The following ANKS1B variants were observed in gnomAD, a reference collection of about 807,000 sequenced individuals.
ANKS1B encodes the protein ankyrin repeat and sterile alpha motif domain-containing protein 1B.
A neutral mutation model predicts 148.3 loss-of-function variants in ANKS1B; 36 were observed. That is an observed-to-expected ratio of 0.24 (90% CI 0.19 to 0.32). ANKS1B has a LOEUF of 0.32. ANKS1B is among the 10% of genes least tolerant of loss of function. ANKS1B has a pLI of 1.00. For synonymous variants in ANKS1B, 542 were observed against 560.8 expected (o/e 0.97, Z 0.47); for missense variants, 1,157 against 1,542.6 (o/e 0.75, Z 4.19).
At chr12:99,248,311 A>G (rs2074130936) in intron 12 of ANKS1B, among the ~76,000 whole-genome samples, 1 of 152,142 alleles carries the variant, frequency 6.6e-6, no homozygotes, top group Non-Finnish European at 1.5e-5. Flanking sequence ...CTAGCTATGT[A>G]TCTCTAGACT....
intron 17 of ANKS1B, among the ~76,000 whole-genome samples, chr12:98,856,375 A>G (rs1416724946): frequency 6.6e-6 from 1 of 152,202 alleles, no homozygotes; most frequent in East Asian, 1.9e-4. Flanking sequence ...CTAGGTTTGA[A>G]TCCTAGCTCT....
At chr12:99,197,973 T>C (rs902782315) in intron 14 of ANKS1B, among the ~76,000 whole-genome samples, 2 of 152,284 alleles carry the variant, frequency 1.3e-5, no homozygotes, top group South Asian at 4.1e-4. Context: ...GGTCATTTCA[T>C]GTAAAATATC....
intron 17 of ANKS1B, among the ~76,000 whole-genome samples, chr12:98,961,612 GTATAAACTAT>G (rs542289191): frequency 6.6e-6 from 1 of 152,136 alleles, no homozygotes; most frequent in Admixed American, 6.5e-5. Context: ...TAATTGTAGG[GTATAAACTAT>G]TCATATCTCA....
intron 12 of ANKS1B, among the ~76,000 whole-genome samples, chr12:99,340,919 G>A (rs529020271): frequency 6.4e-4 from 97 of 152,180 alleles, no homozygotes; most frequent in Admixed American, 1.6e-3. Context: ...ATTTAGCAGT[G>A]TATTCTTCTA....
intron 17 of ANKS1B, among the ~76,000 whole-genome samples, chr12:98,898,703 C>T (rs2099768162): frequency 6.6e-6 from 1 of 152,102 alleles, no homozygotes; most frequent in East Asian, 1.9e-4. Flanking sequence ...AATATATAGT[C>T]TGATGTAATA....
chr12:99,147,952 C>T (rs1461891921), intron 15 of ANKS1B, among the ~76,000 whole-genome samples: 1 of 151,932 alleles, frequency 6.6e-6, no homozygotes, highest in East Asian at 1.9e-4. Flanking sequence ...AGAAGCAGAT[C>T]AGAGCTGACT....
rs1280209633 is a variant in ANKS1B, at chr12:99,377,163, A to G, written c.1756+22468T>C. Among the ~76,000 whole-genome samples the G allele has an allele frequency of 3.6e-4, 55 of 151,990 alleles. 1 individual carries two copies. The highest frequency in any genetic ancestry group is 3.6e-3 in the Admixed American group (55 of 15,262). On this transcript the variant is annotated intron_variant, in intron 12 of 26. Transcript: ENST00000683438. ...GCTGGGACTACAGTCGCGCGTGACC[A>G]GGCCCAGCTAATTTTTGTATTTTTA...
At chr12:99,907,551 A>G (rs2093829803) in intron 1 of ANKS1B, among the ~76,000 whole-genome samples, 3 of 152,166 alleles carry the variant, frequency 2.0e-5, no homozygotes, top group Admixed American at 2.0e-4. Context: ...CTTCATGGAA[A>G]AGGGTTATAT....
At chr12:99,633,524 A>G (rs1437838184) in intron 9 of ANKS1B, among the ~76,000 whole-genome samples, 1 of 152,242 alleles carries the variant, frequency 6.6e-6, no homozygotes, top group East Asian at 1.9e-4. Flanking sequence ...ACCTAAAACC[A>G]TAAAAATCCT....
chr12:99,035,920 G>A (rs559664686), intron 17 of ANKS1B, among the ~76,000 whole-genome samples: 19 of 152,286 alleles, frequency 1.2e-4, no homozygotes, highest in Admixed American at 2.0e-4. Context: ...GTCTGAAAGC[G>A]ACTGAGGTTC....
chr12:99,221,090 A>G (rs1327695271), intron 14 of ANKS1B, among the ~76,000 whole-genome samples: 1 of 152,174 alleles, frequency 6.6e-6, no homozygotes, highest in African/African-American at 2.4e-5. Context: ...CTTTAATCCC[A>G]GCACCTTGGG....
intron 12 of ANKS1B, among the ~76,000 whole-genome samples, chr12:99,384,407 A>G (rs1329059934): frequency 6.6e-6 from 1 of 152,190 alleles, no homozygotes; most frequent in African/African-American, 2.4e-5. Flanking sequence ...GAGGACAACT[A>G]ATGTGTACTG....
intron 9 of ANKS1B, among the ~76,000 whole-genome samples, chr12:99,513,098 C>A (rs2096782870): frequency 6.6e-6 from 1 of 151,706 alleles, no homozygotes; most frequent in Non-Finnish European, 1.5e-5. Flanking sequence ...GCTCCAGCAA[C>A]CATTACTCTG....
At chr12:99,298,467 T>A (rs913973289) in intron 12 of ANKS1B, among the ~76,000 whole-genome samples, 2 of 152,214 alleles carry the variant, frequency 1.3e-5, no homozygotes, top group African/African-American at 4.8e-5. Context: ...GCCATGATTG[T>A]GAGGCCTCCC....
In ANKS1B at chr12:98,997,159, T is replaced by C. The variant is rs1375094054; in HGVS notation, c.2778+55998A>G. ...AATATACCCATCAGTATACCAAAAG[T>C]GTACCATGTATGCTAACAGCCATAT... On this transcript the variant is annotated intron_variant, in intron 17 of 26. Coordinates refer to ENST00000683438, the MANE Select transcript of ANKS1B (RefSeq NM_001352186.2). Among the ~76,000 whole-genome samples, 3 of 152,174 alleles carry C rather than the reference T, an allele frequency of 2.0e-5. No homozygotes were observed. In the East Asian group the frequency reaches 5.8e-4, roughly 29 times the overall value.
chr12:99,790,655 G>C (rs186581478), intron 4 of ANKS1B, among the ~76,000 whole-genome samples: 16 of 152,170 alleles, frequency 1.1e-4, no homozygotes, highest in Non-Finnish European at 1.9e-4. Flanking sequence ...TTTTCTTTTT[G>C]TGTGTTTGTT....
At chr12:99,647,603 T>C (rs952290614) in intron 9 of ANKS1B, 2 of 151,998 alleles carry the variant, frequency 1.3e-5, no homozygotes, top group African/African-American at 2.5e-5. Context: ...TGCTGAGCTG[T>C]GGAGGGCGGT....
intron 12 of ANKS1B, among the ~76,000 whole-genome samples, chr12:99,369,933 G>A (rs2093032298): frequency 6.6e-6 from 1 of 151,652 alleles, no homozygotes; most frequent in Non-Finnish European, 1.5e-5. Flanking sequence ...TAGGTTGTTG[G>A]GTGATGGGCA....
chr12:99,668,277 AT>A (rs1238618995), intron 8 of ANKS1B, among the ~76,000 whole-genome samples: 1 of 151,942 alleles, frequency 6.6e-6, no homozygotes, highest in African/African-American at 2.4e-5. Flanking sequence ...AGTTATTCAT[AT>A]TGTTCCTTTA....
Sources: gnomAD v4.1 joint callset for allele counts (sites outside exome capture counted in the v4.1 genomes callset) on GRCh38, gnomAD v4.1.1 for gene constraint, MANE v1.5 for transcripts, NCBI Gene and HGNC (gene_info 2026-07-23, HGNC 2026-07-21) for gene names.